The following STK10 variants were observed in gnomAD, a reference collection of about 807,000 sequenced individuals.
STK10 encodes the protein serine/threonine kinase 10.
Under a neutral mutation model 113.8 loss-of-function variants are expected in STK10, and 78 were observed. That is an observed-to-expected ratio of 0.69 (90% CI 0.57 to 0.83). The LOEUF (loss-of-function observed/expected upper bound fraction) is 0.83. STK10 is among the 40% of genes least tolerant of loss of function. STK10 has a pLI of 0.00. For synonymous variants in STK10, 465 were observed against 494.7 expected (o/e 0.94, Z 0.80); for missense variants, 1,109 against 1,280.1 (o/e 0.87, Z 2.04).
chr5:172,079,012 G>A (rs1420911422), intron 12 of STK10, among the ~76,000 whole-genome samples: 1 of 152,020 alleles, frequency 6.6e-6, no homozygotes, highest in Non-Finnish European at 1.5e-5. Context: ...GCAGAGCCAA[G>A]GAGGGAATGG....
intron 14 of STK10, among the ~76,000 whole-genome samples, chr5:172,060,546 T>C (rs75026881): frequency 6.6e-6 from 1 of 152,184 alleles, no homozygotes; most frequent in African/African-American, 2.4e-5. Flanking sequence ...AGAGAGTAAG[T>C]CCTCTCCAGA....
rs74514812 is a variant in STK10 at position 172,146,764 on chromosome 5, A to C, written c.321+9860T>G. Among the ~76,000 whole-genome samples, 284 of 152,360 alleles carry C rather than the reference A, an allele frequency of 1.9e-3. 4 individuals carry two copies. The highest frequency in any genetic ancestry group is 6.6e-3 in the African/African-American group (273 of 41,578). ...TAGTACAAAAAGCTTGCTGTTGAGG[A>C]ATAACTTTCAAACCTTGTTTTTCCT... On this transcript the variant is annotated intron_variant, in intron 2 of 18. Coordinates refer to ENST00000176763, the MANE Select transcript of STK10 (RefSeq NM_005990.4).
In STK10 at chr5:172,044,734, G is replaced by T; in HGVS notation, c.*148C>A. 1.5e-6 allele frequency: 2 copies of T among 1,328,668 alleles called. No individual in the cohort carries two copies. Among genetic ancestry groups the T allele is most frequent in the Non-Finnish European group, 2.1e-6 (2 of 948,770 alleles). The allele number at this position is 1,328,668 out of a possible 1,614,324, so 82.3% of individuals were successfully genotyped here. ...AGGAACGCTGGGGCAGGTCTATCAG[G>T]CACAGTTGGGGTGGCACAGGGCGAG... On this transcript the variant is annotated 3_prime_UTR_variant, in exon 19 of 19. Transcript: ENST00000176763. This position sits in a 1 kb window ranked among gnomAD's most constrained non-coding sequence, Gnocchi z 4.5.
Position 172,132,853 on chromosome 5 carries a change from CA to C in STK10, c.322-5433del, listed in dbSNP as rs1398345944. ...GGGAGAATCAAACAGGTCCCTGCCC[CA>C]AAATCACCAGCTGAGGGAGATATAG... On this transcript the variant is annotated intron_variant, in intron 2 of 18. Transcript: ENST00000176763. Among the ~76,000 whole-genome samples, 3 of 152,264 alleles carry C rather than the reference CA, an allele frequency of 2.0e-5. No individual in the cohort carries two copies. In the East Asian group the frequency reaches 5.8e-4, roughly 29 times the overall value.
intron 12 of STK10, among the ~76,000 whole-genome samples, chr5:172,067,678 A>G (rs1391892258): frequency 6.6e-6 from 1 of 152,022 alleles, no homozygotes; most frequent in East Asian, 1.9e-4. Context: ...ACTAAACAAT[A>G]CAATGTCTGA....
intron 2 of STK10, among the ~76,000 whole-genome samples, chr5:172,140,451 C>CT (rs1769950762): frequency 6.6e-6 from 1 of 152,170 alleles, no homozygotes; most frequent in African/African-American, 2.4e-5. Context: ...AATCCCGTCA[C>CT]TTTCGGAGGC....
chr5:172,053,837 G>A (rs1443191728), intron 17 of STK10, among the ~76,000 whole-genome samples: 2 of 152,260 alleles, frequency 1.3e-5, no homozygotes, highest in Non-Finnish European at 2.9e-5. Context: ...CCTGTGGCCT[G>A]CCAGGAGCTG....
chr5:172,172,991 A>C (rs759996316), intron 1 of STK10, among the ~76,000 whole-genome samples: 85 of 151,892 alleles, frequency 5.6e-4, no homozygotes, highest in Non-Finnish European at 1.1e-3. Context: ...AAAAAGAAAA[A>C]AAAAAGCCTC....
intron 6 of STK10, among the ~76,000 whole-genome samples, 200 bp downstream of exon 6, chr5:172,106,420 G>GAAAAAAAAAAAAAAAAAAAAAAAAC (rs1416660493): frequency 4.4e-5 from 2 of 45,454 alleles, no homozygotes; most frequent in East Asian, 9.7e-4. Flanking sequence ...AAAAAAAAAG[G>GAAAAAAAAAAAAAAAAAAAAAAAAC]AACACAAAGG....
At chr5:172,063,888 A>G (rs1425769412) in intron 13 of STK10, among the ~76,000 whole-genome samples, 3 of 152,212 alleles carry the variant, frequency 2.0e-5, no homozygotes, top group Non-Finnish European at 4.4e-5. Context: ...GGGGCTGAGG[A>G]AGCAGAACAC....
rs769352137 is a variant in STK10 at position 172,055,791 on chromosome 5, C to T, written c.2338-15G>A. On this transcript the variant is annotated splice_polypyrimidine_tract_variant and intron_variant, in intron 15 of 18. Coordinates refer to ENST00000176763, the MANE Select transcript of STK10 (RefSeq NM_005990.4). The stretch of plus-strand genomic sequence containing the variant: ...TGCTCCCGCTCCTGGAGAGGAATAT[C>T]CAGAGGGGCTGAGGGCAGCTGCACT... The T allele has an allele frequency of 1.4e-6, 2 of 1,458,042 alleles. No individual in the cohort carries two copies. The highest frequency in any genetic ancestry group is 1.8e-6 in the Non-Finnish European group (2 of 1,095,100). 90.3% of individuals were successfully genotyped at this position (1,458,042 alleles called of 1,614,324 possible).
At chr5:172,157,639 G>T (rs1200163086) in intron 1 of STK10, among the ~76,000 whole-genome samples, 2 of 152,074 alleles carry the variant, frequency 1.3e-5, no homozygotes, top group African/African-American at 4.8e-5. Context: ...CGCCCAGGCT[G>T]AAGTGCAGTG....
Position 172,090,318 on chromosome 5 carries a change from A to C in STK10, c.1599T>G (p.Phe533Leu). Reference sequence around the variant, plus strand: ...TGCTCACCTCCACACCATCCACCACAAATTTGCGTGTCCGCTTGAGGGTTT... The same window carrying C: ...TGCTCACCTCCACACCATCCACCACCAATTTGCGTGTCCGCTTGAGGGTTT... ...YKKTLKRTRKFVVDGVEVSIT... is the reference protein window; with the variant it reads ...YKKTLKRTRKLVVDGVEVSIT... The change falls in exon 10 of 19, where the codon TTT (phenylalanine) becomes TTG (leucine). Residue 533 changes from phenylalanine (F) to leucine (L), a missense_variant. Physicochemically the swap from Phe to Leu is conservative, Grantham distance 22 (BLOSUM62 0). Around this residue, in one of 5 missense-constraint regions of STK10, gnomAD observed 885 missense variants for 991.1 expected, o/e 0.89. Coordinates refer to ENST00000176763, the MANE Select transcript of STK10 (RefSeq NM_005990.4). 1 of 1,613,960 alleles carries C rather than the reference A, an allele frequency of 6.2e-7. No individual in the cohort carries two copies. Among genetic ancestry groups the C allele is most frequent in the Non-Finnish European group, 8.5e-7 (1 of 1,179,976 alleles).
chr5:172,103,028 A>G (rs978059704), intron 7 of STK10, among the ~76,000 whole-genome samples: 2 of 152,180 alleles, frequency 1.3e-5, no homozygotes, highest in African/African-American at 4.8e-5. Flanking sequence ...ATGAATCACA[A>G]ACCAATGGGG....
At chr5:172,105,487 C>G in intron 7 of STK10, 169 bp downstream of exon 7, 1 of 694,988 alleles carries the variant, frequency 1.4e-6, no homozygotes, top group Non-Finnish European at 2.4e-6. Flanking sequence ...CAAGGCACTC[C>G]CAACACAGAG....
At chr5:172,130,222 G>A (rs916415563) in intron 2 of STK10, among the ~76,000 whole-genome samples, 1 of 152,092 alleles carries the variant, frequency 6.6e-6, no homozygotes, top group African/African-American at 2.4e-5. Flanking sequence ...GAACAGATGA[G>A]GTGGTACTTA....
At chr5:172,170,207 A>C (rs191541770) in intron 1 of STK10, among the ~76,000 whole-genome samples, 2 of 151,724 alleles carry the variant, frequency 1.3e-5, no homozygotes, top group Admixed American at 1.3e-4. Context: ...CTGCAAACAG[A>C]GAGAAATGAG....
rs1767458509 is a variant in STK10 at position 172,044,686 on chromosome 5, C to T, written c.*196G>A. The T allele has an allele frequency of 1.3e-6, 1 of 772,268 alleles. No homozygotes were observed. The highest frequency in any genetic ancestry group is 2.6e-5 in the Admixed American group (1 of 38,104). The allele number at this position is 772,268 out of a possible 1,614,324, so 47.8% of individuals were successfully genotyped here. ...CAGGTGACAAATAATTACACCTCAC[C>T]CTCCACAGGCCAGCAAGAAGTCAGG... On this transcript the variant is annotated 3_prime_UTR_variant, in exon 19 of 19. Transcript: ENST00000176763. This position sits in a 1 kb window ranked among gnomAD's most constrained non-coding sequence, Gnocchi z 4.5.
chr5:172,153,196 G>C (rs935599641), intron 2 of STK10, among the ~76,000 whole-genome samples: 6 of 152,084 alleles, frequency 3.9e-5, no homozygotes, highest in Non-Finnish European at 8.8e-5. Flanking sequence ...TGAGGCAAGA[G>C]AATCTCTTGA....
Sources: allele counts gnomAD v4.1 joint callset (sites outside exome capture counted in the v4.1 genomes callset), GRCh38; gene constraint gnomAD v4.1.1; regional missense constraint gnomAD v4.1.1; non-coding constraint Gnocchi (gnomAD v3.1); transcripts MANE v1.5; gene names NCBI Gene and HGNC (gene_info 2026-07-23, HGNC 2026-07-21).